CHD9: variants seen among roughly 807,000 people sequenced by gnomAD.
CHD9 encodes ATP-dependent chromatin remodeler CHD9.
In CHD9, 77 loss-of-function variants were observed where a neutral mutation model predicts 316.1. The ratio of observed to expected loss-of-function variants is 0.24; its 90% CI spans 0.20 to 0.29. The LOEUF (loss-of-function observed/expected upper bound fraction) is 0.29, where lower values mean the gene tolerates loss of function less well. CHD9 is among the 10% of genes least tolerant of loss of function. CHD9 has a pLI of 1.00. For synonymous variants in CHD9, 1,129 were observed against 1,158.3 expected (o/e 0.97, Z 0.51); for missense variants, 2,763 against 3,438.1 (o/e 0.80, Z 4.91).
chr16:53,244,938 C>T (rs555550756), intron 13 of CHD9, among the ~76,000 whole-genome samples: 1 of 152,122 alleles, frequency 6.6e-6, no homozygotes, highest in South Asian at 2.1e-4. Context: ...ATAGTAAGAT[C>T]TCATCTCTAC....
chr16:53,066,778 T>C (rs11649145), intron 1 of CHD9, among the ~76,000 whole-genome samples: 54,760 of 151,934 alleles, frequency 0.36, 10,336 homozygotes, highest in Non-Finnish European at 0.43. Context: ...CACAAGTCCA[T>C]TACACCTGTG....
At position 53,274,237 on chromosome 16, in the gene CHD9, G is replaced by A. The variant is rs61747627; in HGVS notation, c.4902G>A (p.Leu1634=). Residue 1634 remains leucine, a synonymous_variant, in exon 24 of 39, where the codon CTG becomes CTA. Coordinates refer to ENST00000447540, the MANE Select transcript of CHD9 (RefSeq NM_001308319.2). The stretch of plus-strand genomic sequence containing the variant: ...GGGTTTTGCTTCGTGTGAGAATGCT[G>A]TATTATCTAAAGCAAGAAGTTATTG... ...CNKVLLRVRM[L]YYLKQEVIGN... is the part of the protein sequence containing the mutation. 0.039 allele frequency: 63,134 copies of A among 1,603,348 alleles called. 1,471 individuals are homozygous for A. Among genetic ancestry groups the A allele is most frequent in the Non-Finnish European group, 0.045 (52,415 of 1,172,152 alleles).
chr16:53,301,626 C>T (rs1440549994), intron 30 of CHD9, among the ~76,000 whole-genome samples: 2 of 152,040 alleles, frequency 1.3e-5, no homozygotes, highest in Non-Finnish European at 2.9e-5. Flanking sequence ...TTGTTTCCTG[C>T]TCCATATTGA....
At chr16:53,110,945 A>G (rs1336056450) in intron 1 of CHD9, among the ~76,000 whole-genome samples, 2 of 152,204 alleles carry the variant, frequency 1.3e-5, no homozygotes, top group African/African-American at 2.4e-5. Flanking sequence ...CATCTGGTCA[A>G]CCTGACAGTT....
chr16:53,277,110 T>TA (rs2052918663), intron 24 of CHD9, among the ~76,000 whole-genome samples: 1 of 151,928 alleles, frequency 6.6e-6, no homozygotes, highest in Non-Finnish European at 1.5e-5. Context: ...GAAATGGTAA[T>TA]AAAAAAATTA....
chr16:53,123,604 C>A lies in CHD9; in HGVS notation c.-164-32322C>A, dbSNP rs924346585. On this transcript the variant is annotated intron_variant, in intron 1 of 38. Coordinates refer to ENST00000447540, the MANE Select transcript of CHD9 (RefSeq NM_001308319.2). ...GCAACCTCTGCCTCCTGGGTTCAAG[C>A]GATCCTCCTGCCTCAGCCTCCTGAG... Among the ~76,000 whole-genome samples, 27 of 152,182 alleles carry A rather than the reference C, an allele frequency of 1.8e-4. No individual in the cohort carries two copies. In the East Asian group the frequency reaches 4.1e-3, roughly 23 times the overall value.
chr16:53,294,618 A>G (rs1391846977), intron 29 of CHD9, among the ~76,000 whole-genome samples: 2 of 152,176 alleles, frequency 1.3e-5, no homozygotes, highest in Non-Finnish European at 2.9e-5. Flanking sequence ...AAGAGGGACC[A>G]TTCCAAGTAG....
Position 53,071,481 on chromosome 16 carries a change from C to A in CHD9, c.-165+16404C>A, listed in dbSNP as rs570889614. Among the ~76,000 whole-genome samples, 13 of 152,328 alleles carry A rather than the reference C, an allele frequency of 8.5e-5. No individual in the cohort carries two copies. The South Asian group carries it at 1.0e-3, about 12-fold the overall frequency. On this transcript the variant is annotated intron_variant, in intron 1 of 38. Coordinates refer to ENST00000447540, the MANE Select transcript of CHD9 (RefSeq NM_001308319.2). Reference sequence around the variant, plus strand: ...TGTAAGAAAGGGTTTGCGAGTTCCTCTTCCTGGGGTAGGAATGGGAATAGT... The same window carrying A: ...TGTAAGAAAGGGTTTGCGAGTTCCTATTCCTGGGGTAGGAATGGGAATAGT...
At chr16:53,134,803 T>C (rs1437481265) in intron 1 of CHD9, among the ~76,000 whole-genome samples, 1 of 152,202 alleles carries the variant, frequency 6.6e-6, no homozygotes, top group African/African-American at 2.4e-5. Context: ...TTCACATCCA[T>C]TTATTCATTA....
At chr16:53,089,154 C>A (rs1371234865) in intron 1 of CHD9, among the ~76,000 whole-genome samples, 8 of 151,152 alleles carry the variant, frequency 5.3e-5, no homozygotes, top group Non-Finnish European at 2.9e-5. Flanking sequence ...GCCATGGTGG[C>A]GTGCACCTGT....
At chr16:53,104,683 G>A (rs1281355623) in intron 1 of CHD9, among the ~76,000 whole-genome samples, 2 of 151,758 alleles carry the variant, frequency 1.3e-5, no homozygotes, top group Non-Finnish European at 2.9e-5. Flanking sequence ...ATGGTGGCAG[G>A]TACCTGTAAT....
At chr16:53,273,927 C>A in intron 23 of CHD9, 142 bp downstream of exon 23, 1 of 780,740 alleles carries the variant, frequency 1.3e-6, no homozygotes. Context: ...AGGTATCCTA[C>A]AAGCAAATCA....
intron 1 of CHD9, among the ~76,000 whole-genome samples, chr16:53,118,051 T>C (rs2038451157): frequency 2.0e-5 from 3 of 151,938 alleles, no homozygotes; most frequent in African/African-American, 7.3e-5. Context: ...GCAGTTTCGA[T>C]CTCCTGACCT....
intron 2 of CHD9, among the ~76,000 whole-genome samples, chr16:53,200,077 A>G (rs2045312990): frequency 6.6e-6 from 1 of 151,834 alleles, no homozygotes; most frequent in Non-Finnish European, 1.5e-5. Flanking sequence ...CTCTACTAAA[A>G]ATACAAAAAC....
chr16:53,304,058 C>G lies in CHD9; in HGVS notation c.6052C>G (p.Gln2018Glu), dbSNP rs772443377. ...HSRTSTPLLQQYQVALSASPL... is the reference protein window; with the variant it reads ...HSRTSTPLLQEYQVALSASPL... ...AAGGACTTCTACCCCACTTCTACAG[C>G]AATATCAAGTAGCACTTTCTGCTTC... is the stretch of plus-strand genomic sequence containing the variant. The change falls in exon 31 of 39, where the codon CAA becomes GAA. Residue 2018 changes from glutamine (Q) to glutamate (E), a missense_variant. Transcript: ENST00000447540. 1.9e-6 allele frequency: 3 copies of G among 1,614,006 alleles called. No individual in the cohort carries two copies. The highest frequency in any genetic ancestry group is 2.5e-6 in the Non-Finnish European group (3 of 1,179,874).
intron 17 of CHD9, among the ~76,000 whole-genome samples, chr16:53,253,556 C>G (rs1219473489): frequency 6.6e-6 from 1 of 151,936 alleles, no homozygotes; most frequent in Non-Finnish European, 1.5e-5. Flanking sequence ...ACTTATGTAA[C>G]CAAATACCAC....
At chr16:53,143,289 G>A (rs186906932) in intron 1 of CHD9, among the ~76,000 whole-genome samples, 78 of 151,766 alleles carry the variant, frequency 5.1e-4, no homozygotes, top group Admixed American at 1.5e-3. Context: ...GTATACATGT[G>A]GAATACATGG....
intron 1 of CHD9, among the ~76,000 whole-genome samples, chr16:53,105,598 A>G (rs937429416): frequency 6.6e-6 from 1 of 152,130 alleles, no homozygotes; most frequent in Non-Finnish European, 1.5e-5. Flanking sequence ...ATAACCTTTT[A>G]TGCATATTAT....
chr16:53,078,798 T>C (rs971535094), intron 1 of CHD9, among the ~76,000 whole-genome samples: 4 of 152,086 alleles, frequency 2.6e-5, no homozygotes, highest in African/African-American at 9.7e-5. Context: ...TGAGGAGAAG[T>C]CTGTGTGGGT....
Sources: allele counts gnomAD v4.1 joint callset (sites outside exome capture counted in the v4.1 genomes callset), GRCh38; gene constraint gnomAD v4.1.1; transcripts MANE v1.5; gene names NCBI Gene and HGNC (gene_info 2026-07-23, HGNC 2026-07-21).